KDM2A: variants seen among roughly 807,000 people sequenced by gnomAD.
The protein encoded by KDM2A is lysine demethylase 2A.
KDM2A carries 3 observed loss-of-function variants against 137.3 expected under a neutral mutation model. That is an observed-to-expected ratio of 0.02 (90% CI 0.01 to 0.06). KDM2A has a LOEUF of 0.06. Ranked by LOEUF, KDM2A falls within the 10% of genes least tolerant of loss-of-function variation. The pLI is 1.00. For synonymous variants in KDM2A, 512 were observed against 541.5 expected, an observed-to-expected ratio of 0.95 and a Z score of 0.76; for missense variants, 738 against 1,510.6, an observed-to-expected ratio of 0.49 and a Z score of 8.48.
intron 5 of KDM2A, among the ~76,000 whole-genome samples, chr11:67,204,663 T>G (rs1033037962): frequency 6.6e-5 from 10 of 152,010 alleles, no homozygotes; most frequent in African/African-American, 2.4e-4. Context: ...GGCTAATTTT[T>G]TGTATTTTTA....
chr11:67,245,217 G>A lies in KDM2A; in HGVS notation c.1592G>A (p.Arg531Gln), dbSNP rs1859169414. 5.6e-6 allele frequency: 9 copies of A among 1,613,822 alleles called. No homozygotes were observed. Among genetic ancestry groups the A allele is most frequent in the Non-Finnish European group, 6.8e-6 (8 of 1,179,824 alleles). Reference protein sequence around the residue: ...KLKFPTRPKVRVPTIPITKPH... With the variant: ...KLKFPTRPKVQVPTIPITKPH... ...AAATTCCCCACTCGGCCAAAGGTGCGGGTTCCTACCATCCCCATTACGAAG... is the reference window on the plus strand; with the variant it reads ...AAATTCCCCACTCGGCCAAAGGTGCAGGTTCCTACCATCCCCATTACGAAG... The change falls in exon 14 of 21, where the codon CGG becomes CAG. Residue 531 changes from arginine (R) to glutamine (Q), a missense_variant. Around this residue, in one of 9 missense-constraint regions of KDM2A, gnomAD observed 71 missense variants for 147.9 expected, o/e 0.48. Transcript: ENST00000529006. The surrounding 1 kb of genome is among the most constrained non-coding windows in gnomAD (Gnocchi z 4.1).
chr11:67,176,207 A>G (rs1236317836), intron 2 of KDM2A, among the ~76,000 whole-genome samples: 2 of 152,158 alleles, frequency 1.3e-5, no homozygotes, highest in African/African-American at 4.8e-5. Context: ...TGTAAGTTGA[A>G]TCTTGCTTTC....
chr11:67,138,135 G>T (rs1318203166), intron 2 of KDM2A, among the ~76,000 whole-genome samples: 1 of 152,146 alleles, frequency 6.6e-6, no homozygotes, highest in Non-Finnish European at 1.5e-5. Flanking sequence ...CACATATACA[G>T]TTGTTGAGTG....
rs994491764 is a variant in KDM2A at position 67,245,622 on chromosome 11, G to T, written c.1833+164G>T. 2.7e-6 allele frequency: 2 copies of T among 732,204 alleles called. No homozygotes were observed. Among genetic ancestry groups the T allele is most frequent in the African/African-American group, 3.6e-5 (2 of 56,178 alleles). The allele number at this position is 732,204 out of a possible 1,614,324, so 45.4% of individuals were successfully genotyped here. On this transcript the variant is annotated intron_variant, in intron 14 of 20. Coordinates refer to ENST00000529006, the MANE Select transcript of KDM2A (RefSeq NM_012308.3). This position sits in a 1 kb window ranked among gnomAD's most constrained non-coding sequence, Gnocchi z 4.1. ...CTTTTTTCCCCAGGTTTAGATAGAA[G>T]GTATCTAGTACTAAAAATCCGATTT...
At chr11:67,224,459 TTC>T (rs1376295680) in intron 10 of KDM2A, among the ~76,000 whole-genome samples, 16 of 85,522 alleles carry the variant, frequency 1.9e-4, no homozygotes, top group African/African-American at 8.4e-4. Flanking sequence ...ATTAACCCCT[TTC>T]TTTTTTTTTT....
intron 4 of KDM2A, 147 bp from the exon 5 acceptor site, chr11:67,181,699 T>C (rs1857094878): frequency 1.5e-6 from 1 of 657,824 alleles, no homozygotes. Context: ...TGTGTAAATA[T>C]ATAATCACCT....
At chr11:67,247,264 G>A (rs1016327796) in intron 15 of KDM2A, among the ~76,000 whole-genome samples, 4 of 147,462 alleles carry the variant, frequency 2.7e-5, no homozygotes, top group South Asian at 2.1e-4. Context: ...TAATTTTTGT[G>A]TTTTTAGTAG....
At chr11:67,209,474 C>T (rs1450089326) in intron 6 of KDM2A, among the ~76,000 whole-genome samples, 20 of 151,120 alleles carry the variant, frequency 1.3e-4, no homozygotes, top group Non-Finnish European at 4.4e-5. Context: ...GACAGGTTCT[C>T]GCTCTGTTGC....
chr11:67,240,166 C>T (rs1318119286), intron 12 of KDM2A: 3 of 1,499,008 alleles, frequency 2.0e-6, no homozygotes, highest in Non-Finnish European at 1.8e-6. Context: ...ACGCTGCTCC[C>T]TCTGGGTAGT....
At chr11:67,197,995 AT>A (rs1375773120) in intron 5 of KDM2A, among the ~76,000 whole-genome samples, 1 of 11,398 alleles carries the variant, frequency 8.8e-5, no homozygotes, top group East Asian at 2.1e-3. Flanking sequence ...ATAAAGTAAG[AT>A]AAAAATTCCT....
At chr11:67,219,462 T>C (rs2136401858) in intron 10 of KDM2A, 59 bp downstream of exon 10, 6 of 776,628 alleles carry the variant, frequency 7.7e-6, no homozygotes, top group Middle Eastern at 2.7e-4. Context: ...ATGATAGATG[T>C]TACAAGAGAT....
At chr11:67,127,628 C>A (rs992139923) in intron 2 of KDM2A, among the ~76,000 whole-genome samples, 1 of 152,154 alleles carries the variant, frequency 6.6e-6, no homozygotes, top group Non-Finnish European at 1.5e-5. Flanking sequence ...ATAGTCCCAC[C>A]TTTCCTTGGT....
intron 7 of KDM2A, 111 bp from the exon 8 acceptor site, chr11:67,215,745 A>C: frequency 1.3e-6 from 1 of 794,806 alleles, no homozygotes. Flanking sequence ...TCTGGAACTT[A>C]AGATTAAGTG....
intron 12 of KDM2A, chr11:67,240,114 G>A (rs1858983307): frequency 5.8e-6 from 8 of 1,373,760 alleles, no homozygotes; most frequent in Admixed American, 3.1e-5. Context: ...ACAGGAAGCC[G>A]CGGCTGAGCT....
chr11:67,242,704 T>A (rs940799309), intron 12 of KDM2A, among the ~76,000 whole-genome samples: 1 of 152,148 alleles, frequency 6.6e-6, no homozygotes, highest in African/African-American at 2.4e-5. Context: ...TGGGTCTTGC[T>A]GTGTTTCCCA....
chr11:67,255,106 A>C lies in KDM2A; in HGVS notation c.*51A>C. On this transcript the variant is annotated 3_prime_UTR_variant, in exon 21 of 21. Transcript: ENST00000529006. Reference sequence around the variant, plus strand: ...GAAACCGATCTTCCCCTGACTCCCCACCGAGGAGAGCCTCTCCTCGACCCT... The same window carrying C: ...GAAACCGATCTTCCCCTGACTCCCCCCCGAGGAGAGCCTCTCCTCGACCCT... 2 of 1,521,052 alleles carry C rather than the reference A, an allele frequency of 1.3e-6. No individual in the cohort carries two copies. Among genetic ancestry groups the C allele is most frequent in the Non-Finnish European group, 1.8e-6 (2 of 1,120,066 alleles). 94.2% of individuals were successfully genotyped at this position (1,521,052 alleles called of 1,614,324 possible). A position where few individuals can be genotyped will look rare whatever the true frequency, so the allele number is the denominator to read the frequency against.
chr11:67,178,764 A>T (rs1380801472), intron 2 of KDM2A, among the ~76,000 whole-genome samples: 1 of 152,138 alleles, frequency 6.6e-6, no homozygotes, highest in African/African-American at 2.4e-5. Context: ...TTGTATAGGT[A>T]TACCACATTT....
rs370553486 is a variant in KDM2A, at chr11:67,204,599, C to T, written c.308-2911C>T. Among the ~76,000 whole-genome samples, 642 of 151,434 alleles carry T rather than the reference C, an allele frequency of 4.2e-3. 6 individuals are homozygous for T. Among genetic ancestry groups the T allele is most frequent in the African/African-American group, 0.015 (614 of 41,242 alleles). On this transcript the variant is annotated intron_variant, in intron 5 of 20. Coordinates refer to ENST00000529006, the MANE Select transcript of KDM2A (RefSeq NM_012308.3). ...CTCCGCCTCCTGGGTTCATGCCATTCTCCTGCCTCAGTCTCCCGAGTACCT... is the reference window on the plus strand; with the variant it reads ...CTCCGCCTCCTGGGTTCATGCCATTTTCCTGCCTCAGTCTCCCGAGTACCT...
chr11:67,219,949 A>T (rs938745482), intron 10 of KDM2A, among the ~76,000 whole-genome samples: 7 of 151,766 alleles, frequency 4.6e-5, no homozygotes, highest in African/African-American at 1.5e-4. Context: ...CTTTTTTTAA[A>T]ATTTTATTTT....
Sources: gnomAD v4.1 joint callset for allele counts (sites outside exome capture counted in the v4.1 genomes callset) on GRCh38, gnomAD v4.1.1 for gene constraint, gnomAD v4.1.1 regional missense constraint, Gnocchi (gnomAD v3.1) non-coding constraint, MANE v1.5 for transcripts, NCBI Gene and HGNC (gene_info 2026-07-23, HGNC 2026-07-21) for gene names.